Variants in RRAS2 observed in about 807,000 individuals in gnomAD.
The protein encoded by RRAS2 is ras-related protein R-Ras2.
In RRAS2, 7 loss-of-function variants were observed where a neutral mutation model predicts 27.6. That is an observed-to-expected ratio of 0.25 (90% CI 0.14 to 0.48). The LOEUF (loss-of-function observed/expected upper bound fraction) is 0.48. RRAS2 is among the 20% of genes least tolerant of loss of function. The pLI is 0.99. For synonymous variants in RRAS2, 86 were observed against 90.9 expected, an observed-to-expected ratio of 0.95 and a Z score of 0.31; for missense variants, 178 against 256.2, an observed-to-expected ratio of 0.69 and a Z score of 2.08.
At chr11:14,360,361 A>G (rs1591496643), upstream of RRAS2, among the ~76,000 whole-genome samples, 1 of 151,658 alleles carries the variant, frequency 6.6e-6, no homozygotes, top group Non-Finnish European at 1.5e-5. Context: ...AAGCAAAAAT[A>G]CCCATCCAGG....
At chr11:14,288,118 C>T (rs987884928) in intron 4 of RRAS2, among the ~76,000 whole-genome samples, 12 of 152,068 alleles carry the variant, frequency 7.9e-5, no homozygotes, top group African/African-American at 2.7e-4. Context: ...GTAGTTGGGA[C>T]TACAGGCACG....
intron 1 of RRAS2, among the ~76,000 whole-genome samples, chr11:14,326,560 A>G (rs964047800): frequency 6.6e-6 from 1 of 152,358 alleles, no homozygotes; most frequent in South Asian, 2.1e-4. Flanking sequence ...TTGTTAAATC[A>G]GTAAAAGAAT....
chr11:14,332,368 G>A (rs1193436931), intron 1 of RRAS2, among the ~76,000 whole-genome samples: 1 of 152,192 alleles, frequency 6.6e-6, no homozygotes, highest in Non-Finnish European at 1.5e-5. Context: ...AGGCGTGGTG[G>A]CGTGTGCCTG....
chr11:14,286,368 A>G (rs1849661283), intron 4 of RRAS2, among the ~76,000 whole-genome samples: 1 of 152,200 alleles, frequency 6.6e-6, no homozygotes, highest in Non-Finnish European at 1.5e-5. Context: ...TTGGAAATAC[A>G]TTATCCTTTC....
At position 14,358,857 on chromosome 11, in the gene RRAS2, C is replaced by A; in HGVS notation, c.14G>T (p.Gly5Val). The A allele has an allele frequency of 6.8e-7, 1 of 1,469,472 alleles. No homozygotes were observed. The highest frequency in any genetic ancestry group is 9.1e-7 in the Non-Finnish European group (1 of 1,102,858). The allele number at this position is 1,469,472 out of a possible 1,614,324, so 91.0% of individuals were successfully genotyped here. A position where few individuals can be genotyped will look rare whatever the true frequency, so the allele number is the denominator to read the frequency against. MAAA[G>V]WRDGSGQEKY... ...CTCCTGGCCGGAGCCGTCCCGCCAG[C>A]CGGCCGCGGCCATGGGGACGCTACA... The change falls in exon 1 of 6, where the codon GGC (glycine) becomes GTC (valine). Residue 5 changes from glycine to valine, a missense_variant. Gly to Val is a moderately radical substitution (Grantham distance 109, BLOSUM62 -3). Coordinates refer to ENST00000256196, the MANE Select transcript of RRAS2 (RefSeq NM_012250.6). This position sits in a 1 kb window ranked among gnomAD's most constrained non-coding sequence, Gnocchi z 5.1.
chr11:14,280,405 C>T (rs542599094), intron 5 of RRAS2, among the ~76,000 whole-genome samples: 131 of 152,134 alleles, frequency 8.6e-4, no homozygotes, highest in African/African-American at 3.1e-3. Flanking sequence ...AGAAGATCAT[C>T]GCTCAGGTGT....
chr11:14,302,683 T>C (rs1414537933), intron 1 of RRAS2, among the ~76,000 whole-genome samples: 4 of 152,158 alleles, frequency 2.6e-5, no homozygotes, highest in Admixed American at 2.0e-4. Flanking sequence ...CGGGATCTAA[T>C]AAGGGCCACA....
intron 1 of RRAS2, among the ~76,000 whole-genome samples, chr11:14,308,790 A>G (rs1268003108): frequency 6.6e-6 from 1 of 152,170 alleles, no homozygotes; most frequent in Non-Finnish European, 1.5e-5. Flanking sequence ...AATGTGAACT[A>G]CTGCACACAG....
At chr11:14,285,662 T>A (rs1213272776) in intron 4 of RRAS2, among the ~76,000 whole-genome samples, 1 of 152,226 alleles carries the variant, frequency 6.6e-6, no homozygotes, top group Non-Finnish European at 1.5e-5. Context: ...CTGGGAAAAG[T>A]CTTTATTTCA....
chr11:14,341,791 T>A (rs537911183), intron 1 of RRAS2: 9 of 453,908 alleles, frequency 2.0e-5, no homozygotes, highest in Non-Finnish European at 3.5e-5. Context: ...TATGAAAAAA[T>A]ATAAATACGC....
chr11:14,316,596 A>G (rs1554949584), intron 1 of RRAS2, among the ~76,000 whole-genome samples: 2 of 152,128 alleles, frequency 1.3e-5, no homozygotes, highest in African/African-American at 4.8e-5. Context: ...AAATAAATAA[A>G]GCCAGGCACG....
At chr11:14,295,712 C>A (rs1205650152) in intron 2 of RRAS2, 56 bp downstream of exon 2, 1 of 1,344,602 alleles carries the variant, frequency 7.4e-7, no homozygotes, top group African/African-American at 1.5e-5. Context: ...AACATCAGCG[C>A]TTACTTTTTT....
At chr11:14,292,781 G>A (rs1847434739) in intron 4 of RRAS2, among the ~76,000 whole-genome samples, 1 of 151,916 alleles carries the variant, frequency 6.6e-6, no homozygotes, top group Non-Finnish European at 1.5e-5. Flanking sequence ...TTTCATCAGT[G>A]GACATTTCCA....
chr11:14,301,141 AAGG>A (rs1287692844), intron 1 of RRAS2, among the ~76,000 whole-genome samples: 1 of 152,222 alleles, frequency 6.6e-6, no homozygotes, highest in African/African-American at 2.4e-5. Flanking sequence ...GGGAAAAGGA[AAGG>A]AGAGAACGGA....
chr11:14,316,075 T>C (rs1163528260), intron 1 of RRAS2, among the ~76,000 whole-genome samples: 4 of 152,070 alleles, frequency 2.6e-5, no homozygotes, highest in South Asian at 2.1e-4. Flanking sequence ...AAAGCCCAGA[T>C]CAGAAACCCA....
At chr11:14,318,461 C>A (rs1554949819) in intron 1 of RRAS2, among the ~76,000 whole-genome samples, 1 of 152,016 alleles carries the variant, frequency 6.6e-6, no homozygotes, top group Non-Finnish European at 1.5e-5. Flanking sequence ...TGAGACCATG[C>A]CACTGCACTC....
At chr11:14,353,327 C>T (rs1269903990) in intron 1 of RRAS2, among the ~76,000 whole-genome samples, 1 of 152,106 alleles carries the variant, frequency 6.6e-6, no homozygotes, top group African/African-American at 2.4e-5. Context: ...AAAGTGCTCC[C>T]ACTCGGCCAG....
chr11:14,330,190 T>C (rs1214613430), intron 1 of RRAS2, among the ~76,000 whole-genome samples: 1 of 152,180 alleles, frequency 6.6e-6, no homozygotes, highest in African/African-American at 2.4e-5. Flanking sequence ...AATTCTAAGA[T>C]TTTAGAAAAC....
chr11:14,328,038 G>A (rs950497292), intron 1 of RRAS2, among the ~76,000 whole-genome samples: 1 of 152,172 alleles, frequency 6.6e-6, no homozygotes, highest in African/African-American at 2.4e-5. Flanking sequence ...ATCTACCACT[G>A]TAGTGCTTAC....
Sources: gnomAD v4.1 joint callset for allele counts (sites outside exome capture counted in the v4.1 genomes callset) on GRCh38, gnomAD v4.1.1 for gene constraint, Gnocchi (gnomAD v3.1) non-coding constraint, MANE v1.5 for transcripts, NCBI Gene and HGNC (gene_info 2026-07-23, HGNC 2026-07-21) for gene names.